The following CCDC171 variants were observed in gnomAD, a reference collection of about 807,000 sequenced individuals.
CCDC171 encodes the protein coiled-coil domain-containing protein 171.
In CCDC171, 177 loss-of-function variants were observed where a neutral mutation model predicts 168.2. That is an observed-to-expected ratio of 1.05 (90% confidence interval 0.93 to 1.19). CCDC171 has a LOEUF of 1.19. Among genes scored for constraint, CCDC171 ranks in the 50% most tolerant of loss-of-function variants. The probability of loss-of-function intolerance (pLI) is 0.00; values close to 1 mark genes in which losing one functional copy is unlikely to be tolerated. For missense variants in CCDC171, 1,991 were observed against 1,539.0 expected (o/e 1.29, Z -4.91); for synonymous variants, 687 against 540.8 (o/e 1.27, Z -3.75).
chr9:16,088,904 A>C, the CCDC171 span, among the ~76,000 whole-genome samples: 1 of 152,086 alleles, frequency 6.6e-6, no homozygotes, highest in South Asian at 2.1e-4. Context: ...TATAGCCAAG[A>C]CAATCCTAAG....
chr9:15,647,593 C>A (rs1011462051), intron 7 of CCDC171, among the ~76,000 whole-genome samples: 2 of 152,088 alleles, frequency 1.3e-5, no homozygotes, highest in African/African-American at 4.8e-5. Context: ...GAAATAGAGA[C>A]TACCATCAGA....
chr9:15,590,796 T>TCTTC (rs1163447162), intron 4 of CCDC171, among the ~76,000 whole-genome samples: 1 of 148,410 alleles, frequency 6.7e-6, no homozygotes, highest in Non-Finnish European at 1.5e-5. Flanking sequence ...TTTCTTTCTT[T>TCTTC]CTTTCTTTCT....
intron 11 of CCDC171, 102 bp downstream of exon 11, chr9:15,695,439 T>C: frequency 1.2e-6 from 1 of 842,642 alleles, no homozygotes; most frequent in Non-Finnish European, 2.0e-6. Flanking sequence ...CATCTCAACA[T>C]GTTTTGATTT....
intron 9 of CCDC171, among the ~76,000 whole-genome samples, chr9:15,675,182 C>T (rs990899407): frequency 9.5e-5 from 12 of 126,146 alleles, no homozygotes; most frequent in Non-Finnish European, 1.4e-4. Context: ...AGGATTGCAA[C>T]TCCTGTTTTT....
chr9:15,786,408 G>C (rs2057956847), intron 21 of CCDC171, among the ~76,000 whole-genome samples: 1 of 151,900 alleles, frequency 6.6e-6, no homozygotes, highest in South Asian at 2.1e-4. Context: ...CATATCACCT[G>C]ATATATCTAC....
chr9:15,654,195 T>C (rs773872951), intron 7 of CCDC171, among the ~76,000 whole-genome samples: 9 of 152,020 alleles, frequency 5.9e-5, no homozygotes, highest in Non-Finnish European at 1.3e-4. Flanking sequence ...GATTTATTGC[T>C]TTCTGTAAAA....
chr9:15,882,642 G>A (rs563689700), intron 24 of CCDC171, among the ~76,000 whole-genome samples: 11 of 152,106 alleles, frequency 7.2e-5, no homozygotes, highest in South Asian at 4.2e-4. Flanking sequence ...TTTAAACGTC[G>A]GTTATAGTCA....
chr9:15,895,932 C>A (rs891641710), intron 24 of CCDC171, among the ~76,000 whole-genome samples: 55 of 152,046 alleles, frequency 3.6e-4, no homozygotes, highest in African/African-American at 1.3e-3. Flanking sequence ...GAAACTCATT[C>A]CTCTGACTTT....
chr9:15,567,027 C>CTTT (rs34470119), intron 2 of CCDC171, among the ~76,000 whole-genome samples: 5 of 132,308 alleles, frequency 3.8e-5, no homozygotes, highest in Non-Finnish European at 3.2e-5. Context: ...TCTACATGTC[C>CTTT]TTTTTTTTTT....
chr9:15,766,760 A>C (rs1588381136), intron 18 of CCDC171, among the ~76,000 whole-genome samples: 2 of 151,986 alleles, frequency 1.3e-5, no homozygotes, highest in Non-Finnish European at 2.9e-5. Context: ...GGCCCAAGGG[A>C]TCCTCCTGCC....
At chr9:15,998,504 A>G (rs1280974601) in intron 3 of CCDC171, among the ~76,000 whole-genome samples, 3 of 152,212 alleles carry the variant, frequency 2.0e-5, no homozygotes, top group African/African-American at 7.2e-5. Context: ...AGGCGAGTCC[A>G]TACGCAGATT....
intron 3 of CCDC171, among the ~76,000 whole-genome samples, chr9:16,002,563 A>T (rs1832584187): frequency 6.6e-6 from 1 of 152,216 alleles, no homozygotes; most frequent in African/African-American, 2.4e-5. Flanking sequence ...AAAGTCTATA[A>T]AGTAGAAAAG....
At chr9:15,724,721 C>T (rs2053686133) in intron 13 of CCDC171, 55 bp from the exon 14 acceptor site, 3 of 1,205,050 alleles carry the variant, frequency 2.5e-6, no homozygotes, top group South Asian at 1.2e-5. Context: ...CTAGTGTCCC[C>T]TCACCCCTTG....
At chr9:15,610,422 C>A (rs1455698493) in intron 6 of CCDC171, among the ~76,000 whole-genome samples, 1 of 105,048 alleles carries the variant, frequency 9.5e-6, no homozygotes. Context: ...GCCTGGCCAA[C>A]ATGGTGAAAC....
intron 1 of CCDC171, among the ~76,000 whole-genome samples, chr9:16,046,830 C>T (rs1833670060): frequency 1.3e-5 from 2 of 152,290 alleles, no homozygotes; most frequent in South Asian, 4.2e-4. Flanking sequence ...TTTTTCTTTA[C>T]AAATTACTCA....
intron 24 of CCDC171, among the ~76,000 whole-genome samples, chr9:15,899,496 T>C (rs1821352097): frequency 6.6e-6 from 1 of 152,208 alleles, no homozygotes; most frequent in Non-Finnish European, 1.5e-5. Context: ...CGCCAGCACT[T>C]GGTGTTATCC....
upstream of CCDC171, among the ~76,000 whole-genome samples, chr9:16,041,479 G>A (rs1177092006): frequency 6.6e-6 from 1 of 152,176 alleles, no homozygotes; most frequent in East Asian, 1.9e-4. Flanking sequence ...AGAAGCTGGG[G>A]TTTTTGTTTC....
chr9:15,769,196 A>G (rs2056885271), intron 18 of CCDC171, among the ~76,000 whole-genome samples: 1 of 152,224 alleles, frequency 6.6e-6, no homozygotes, highest in African/African-American at 2.4e-5. Context: ...AAGATGCAGA[A>G]GTTTTTTTCT....
rs187898632 is a variant in CCDC171, at chr9:15,644,474, A to G, written c.823-12653A>G. On this transcript the variant is annotated intron_variant, in intron 7 of 25. Transcript: ENST00000380701. ...TCTCACCCGGGAAGTGCAAGGGGTC[A>G]GGGAATTCCCTTTCCTAGCTAAGGG... Among the ~76,000 whole-genome samples the G allele has an allele frequency of 5.1e-4, 77 of 152,298 alleles. 1 individual carries two copies. In the East Asian group the frequency reaches 0.014, roughly 27 times the overall value.
Sources: gnomAD v4.1 joint callset for allele counts (sites outside exome capture counted in the v4.1 genomes callset) on GRCh38, gnomAD v4.1.1 for gene constraint, MANE v1.5 for transcripts, NCBI Gene and HGNC (gene_info 2026-07-23, HGNC 2026-07-21) for gene names.